VPS26B: variants seen among roughly 807,000 people sequenced by gnomAD.
The protein encoded by VPS26B is vacuolar protein sorting-associated protein 26B.
VPS26B carries 10 observed loss-of-function variants against 33.3 expected under a neutral mutation model. The ratio of observed to expected loss-of-function variants is 0.30; its 90% confidence interval spans 0.19 to 0.51. The LOEUF (loss-of-function observed/expected upper bound fraction) is 0.51, where lower values mean the gene tolerates loss of function less well. Ranked by LOEUF, VPS26B falls within the 20% of genes least tolerant of loss-of-function variation. The probability of loss-of-function intolerance (pLI) is 0.98; values close to 1 mark genes in which losing one functional copy is unlikely to be tolerated. For missense variants in VPS26B, 317 were observed against 452.7 expected, an observed-to-expected ratio of 0.70 and a Z score of 2.72; for synonymous variants, 190 against 176.9, an observed-to-expected ratio of 1.07 and a Z score of -0.59.
intron 2 of VPS26B, among the ~76,000 whole-genome samples, chr11:134,238,676 A>G (rs1300040896): frequency 6.6e-6 from 1 of 152,060 alleles, no homozygotes; most frequent in Non-Finnish European, 1.5e-5. Flanking sequence ...GCTCACCGCA[A>G]GCTCCGCCTC....
rs1938687144 is a variant in VPS26B at position 134,239,643 on chromosome 11, A to G, written c.381-348A>G. 9.7e-6 allele frequency: 3 copies of G among 308,546 alleles called. No individual in the cohort carries two copies. The Admixed American group carries it at 1.4e-4, about 14-fold the overall frequency. 19.1% of individuals were successfully genotyped at this position (308,546 alleles called of 1,614,324 possible). On this transcript the variant is annotated intron_variant, in intron 2 of 5. Coordinates refer to ENST00000281187, the MANE Select transcript of VPS26B (RefSeq NM_052875.5). The stretch of plus-strand genomic sequence containing the variant: ...ACCTGTACACAAATACATGGTCAGT[A>G]GTGGTAAGGGCCGTGAAAGGCCCAA...
At chr11:134,243,398 T>A in intron 4 of VPS26B, 104 bp downstream of exon 4, 1 of 1,338,226 alleles carries the variant, frequency 7.5e-7, no homozygotes, top group East Asian at 2.5e-5. Context: ...TAAGATGTCC[T>A]CTTAACCTGT....
In VPS26B at chr11:134,224,940, C is replaced by T; in HGVS notation, c.-183C>T. ...GCCGCCAGCCTCCCCCGGCCGTGCC[C>T]CTCCCCCGTGGAGCCGGCTGTCCGT... On this transcript the variant is annotated 5_prime_UTR_variant, in exon 1 of 6. Coordinates refer to ENST00000281187, the MANE Select transcript of VPS26B (RefSeq NM_052875.5). The T allele has an allele frequency of 3.2e-6, 1 of 315,756 alleles. No individual in the cohort carries two copies. Among genetic ancestry groups the T allele is most frequent in the Middle Eastern group, 1.0e-3 (1 of 990 alleles). The allele number at this position is 315,756 out of a possible 1,614,324, so 19.6% of individuals were successfully genotyped here.
In VPS26B at chr11:134,245,421, T is replaced by TTGCC; in HGVS notation, c.865-22_865-19dup. On this transcript the variant is annotated intron_variant, in intron 5 of 5. Transcript: ENST00000281187. The surrounding 1 kb of genome is among the most constrained non-coding windows in gnomAD (Gnocchi z 4.7). ...CCATGCCTCCCTCTAAGGTGTCACA[T>TTGCC]TGCCCCCCTTTCAATTCTGCAGGAA... 6.2e-7 allele frequency: 1 copy of TTGCC among 1,613,740 alleles called. No homozygotes were observed. The highest frequency in any genetic ancestry group is 8.5e-7 in the Non-Finnish European group (1 of 1,179,706).
chr11:134,228,056 A>T (rs1040164857), intron 1 of VPS26B, among the ~76,000 whole-genome samples: 3 of 152,260 alleles, frequency 2.0e-5, no homozygotes, highest in Admixed American at 2.0e-4. Flanking sequence ...TCAATTATCC[A>T]TGGTTACGTG....
rs142698389 is a variant in VPS26B at position 134,235,202 on chromosome 11, G to A, written c.380+149G>A. On this transcript the variant is annotated intron_variant, in intron 2 of 5. Transcript: ENST00000281187. ...GTGGCGTGCTGGTAAACCATTAACC[G>A]TGGGCCTTCTAGGAGGAAAGTGGCC... 474 of 1,025,436 alleles carry A rather than the reference G, an allele frequency of 4.6e-4. 1 individual carries two copies. The African/African-American group carries it at 6.2e-3, about 13-fold the overall frequency. The allele number at this position is 1,025,436 out of a possible 1,614,324, so 63.5% of individuals were successfully genotyped here. A position where few individuals can be genotyped will look rare whatever the true frequency, so the allele number is the denominator to read the frequency against.
At chr11:134,232,394 A>G (rs1053749926) in intron 1 of VPS26B, among the ~76,000 whole-genome samples, 3 of 152,218 alleles carry the variant, frequency 2.0e-5, no homozygotes, top group South Asian at 2.1e-4. Context: ...AGTATTGCAG[A>G]TGGCTTATAA....
intron 1 of VPS26B, among the ~76,000 whole-genome samples, chr11:134,233,810 G>T (rs1468066161): frequency 1.3e-5 from 2 of 152,214 alleles, no homozygotes; most frequent in African/African-American, 4.8e-5. Flanking sequence ...TATCTTTAAA[G>T]GGCCTGCAGT....
intron 2 of VPS26B, among the ~76,000 whole-genome samples, chr11:134,238,783 G>C (rs1938674216): frequency 6.6e-6 from 1 of 151,786 alleles, no homozygotes; most frequent in Non-Finnish European, 1.5e-5. Flanking sequence ...TTTTAGTAGA[G>C]ACGGGGTTTC....
intron 4 of VPS26B, 44 bp downstream of exon 4, chr11:134,243,338 C>T: frequency 6.2e-7 from 1 of 1,608,172 alleles, no homozygotes; most frequent in South Asian, 1.1e-5. Context: ...GCTTTTCTCC[C>T]ATGTCCTGCA....
intron 2 of VPS26B, chr11:134,235,391 T>C (rs1404887183): frequency 1.1e-5 from 2 of 183,356 alleles, no homozygotes; most frequent in African/African-American, 4.7e-5. Context: ...GGCCGGAAAA[T>C]AGGAAGTGAT....
chr11:134,237,276 C>T (rs373695117), intron 2 of VPS26B, among the ~76,000 whole-genome samples: 7 of 152,130 alleles, frequency 4.6e-5, no homozygotes, highest in South Asian at 2.1e-4. Context: ...TGAGGTCCTC[C>T]GAGTATGATT....
rs965104801 is a variant in VPS26B, at chr11:134,244,612, A to T, written c.722-326A>T. The T allele has an allele frequency of 4.7e-6, 1 of 210,644 alleles. No individual in the cohort carries two copies. 13.0% of individuals were successfully genotyped at this position (210,644 alleles called of 1,614,324 possible). On this transcript the variant is annotated intron_variant, in intron 4 of 5. Transcript: ENST00000281187. This position sits in a 1 kb window ranked among gnomAD's most constrained non-coding sequence, Gnocchi z 4.0. ...GAAGTGGTGGCTTAACTGGACTTTG[A>T]CAGCTGCCTTTTGAAAACCCCAAAA...
At chr11:134,228,301 A>G (rs745986771) in intron 1 of VPS26B, among the ~76,000 whole-genome samples, 6 of 150,914 alleles carry the variant, frequency 4.0e-5, no homozygotes, top group Non-Finnish European at 8.8e-5. Context: ...GTTTCTTATT[A>G]TTTGGCTTTG....
Position 134,245,877 on chromosome 11 carries a change from T to TG in VPS26B, c.*288dup. On this transcript the variant is annotated 3_prime_UTR_variant, in exon 6 of 6. Coordinates refer to ENST00000281187, the MANE Select transcript of VPS26B (RefSeq NM_052875.5). This position sits in a 1 kb window ranked among gnomAD's most constrained non-coding sequence, Gnocchi z 4.7. ...AGCCCCCTTCCTCGGGGGGCTGCCT[T>TG]GCGTCTTAGAGGAGGGAGAGCAGAG... 1 of 411,784 alleles carries TG rather than the reference T, an allele frequency of 2.4e-6. No homozygotes were observed. The highest frequency in any genetic ancestry group is 3.3e-5 in the South Asian group (1 of 30,342). 25.5% of individuals were successfully genotyped at this position (411,784 alleles called of 1,614,324 possible).
chr11:134,241,902 T>G (rs867645216), intron 3 of VPS26B, among the ~76,000 whole-genome samples: 73 of 152,362 alleles, frequency 4.8e-4, no homozygotes, highest in African/African-American at 1.6e-3. Flanking sequence ...ACGAGGAGCT[T>G]GGACCAGATC....
At chr11:134,235,076 C>T (rs2136049007) in intron 2 of VPS26B, 23 bp downstream of exon 2, 1 of 1,608,690 alleles carries the variant, frequency 6.2e-7, no homozygotes, top group Non-Finnish European at 8.5e-7. Context: ...TGCTGGTTCC[C>T]CACTGTACCC....
chr11:134,235,087 T>C (rs1413957053), intron 2 of VPS26B, 34 bp downstream of exon 2: 3 of 1,598,682 alleles, frequency 1.9e-6, no homozygotes, highest in Non-Finnish European at 1.7e-6. Context: ...CACTGTACCC[T>C]AGAACCTGCC....
At chr11:134,243,950 A>C (rs541565251) in intron 4 of VPS26B, 1 of 152,376 alleles carries the variant, frequency 6.6e-6, no homozygotes, top group East Asian at 1.9e-4. Context: ...GGAATGGCGA[A>C]GACTCTTCAT....
Sources: allele counts gnomAD v4.1 joint callset (sites outside exome capture counted in the v4.1 genomes callset), GRCh38; gene constraint gnomAD v4.1.1; non-coding constraint Gnocchi (gnomAD v3.1); transcripts MANE v1.5; gene names NCBI Gene and HGNC (gene_info 2026-07-23, HGNC 2026-07-21).